Variants in SETD5 observed in about 807,000 individuals in gnomAD.
SETD5 encodes SET domain containing 5.
In SETD5, 44 loss-of-function variants were observed where a neutral mutation model predicts 153.3. The ratio of observed to expected loss-of-function variants is 0.29; its 90% CI spans 0.23 to 0.37. SETD5 has a LOEUF of 0.37. SETD5 is among the 10% of genes least tolerant of loss of function. The pLI is 1.00. For synonymous variants in SETD5, 716 were observed against 645.2 expected (o/e 1.11, Z -1.66); for missense variants, 1,544 against 1,768.0 (o/e 0.87, Z 2.27).
Position 9,476,256 on chromosome 3 carries a change from T to A in SETD5, c.*165T>A. ...AAGACTTGTGGTCACAATTGGCCTC[T>A]GGCCTTGGAGAAAGCTGTAAATCTT... On this transcript the variant is annotated 3_prime_UTR_variant, in exon 23 of 23. Coordinates refer to ENST00000402198, the MANE Select transcript of SETD5 (RefSeq NM_001080517.3). 1.1e-6 allele frequency: 1 copy of A among 948,636 alleles called. No individual in the cohort carries two copies. The highest frequency in any genetic ancestry group is 1.5e-6 in the Non-Finnish European group (1 of 656,828). 58.8% of individuals were successfully genotyped at this position (948,636 alleles called of 1,614,324 possible).
intron 16 of SETD5, 104 bp from the exon 17 acceptor site, chr3:9,453,630 GAATTA>G: frequency 2.0e-6 from 2 of 1,023,396 alleles, no homozygotes; most frequent in Non-Finnish European, 2.8e-6. Context: ...CTGTGTAACT[GAATTA>G]GTGTGTTGAA....
At position 9,475,503 on chromosome 3, in the gene SETD5, T is replaced by C. The variant is rs767596550; in HGVS notation, c.3741T>C (p.Pro1247=). The C allele has an allele frequency of 3.1e-6, 5 of 1,613,318 alleles. No individual in the cohort carries two copies. In the African/African-American group the frequency reaches 6.7e-5, roughly 22 times the overall value. ...TCTAGCTCCTGCAGTGTGATAGTCC[T>C]CGGACAGAATCACAAAGCCTCCTTC... ...YSYQLLQCDS[P]RTESQSLLQQ... Residue 1247 remains proline (P), a synonymous_variant, in exon 23 of 23, where the codon CCT becomes CCC. Transcript: ENST00000402198.
chr3:9,460,054 C>G (rs552420086), intron 17 of SETD5, among the ~76,000 whole-genome samples: 2 of 151,614 alleles, frequency 1.3e-5, no homozygotes, highest in East Asian at 3.9e-4. Context: ...ACCCCCTCCC[C>G]CCCACAAAAA....
Position 9,464,415 on chromosome 3 carries a change from T to C in SETD5, c.2477-10T>C. ...GTTTCAAACTCTCATCCAAGCTTTG[T>C]GTTTCACAGACTTGTTGAGCCCATT... On this transcript the variant is annotated splice_polypyrimidine_tract_variant and intron_variant, in intron 17 of 22. Coordinates refer to ENST00000402198, the MANE Select transcript of SETD5 (RefSeq NM_001080517.3). 1.2e-6 allele frequency: 2 copies of C among 1,602,496 alleles called. No homozygotes were observed. The highest frequency in any genetic ancestry group is 1.7e-6 in the Non-Finnish European group (2 of 1,170,666).
In SETD5 at chr3:9,435,880, G is replaced by A. The variant is rs568483869; in HGVS notation, c.541G>A (p.Ala181Thr). ...KRKKSPEKGR[A>T]APKTKKIKNS... Reference sequence around the variant, plus strand: ...GAAAAAGAGTCCAGAAAAGGGTCGTGCAGCACCAAAGACGAAGAAAATCAA... The same window carrying A: ...GAAAAAGAGTCCAGAAAAGGGTCGTACAGCACCAAAGACGAAGAAAATCAA... The change falls in exon 7 of 23, where the codon GCA becomes ACA. Residue 181 changes from alanine to threonine, a missense_variant. Coordinates refer to ENST00000402198, the MANE Select transcript of SETD5 (RefSeq NM_001080517.3). 3.6e-5 allele frequency: 58 copies of A among 1,592,046 alleles called. 1 individual carries two copies. In the South Asian group the frequency reaches 3.7e-4, roughly 10 times the overall value.
In SETD5 at chr3:9,434,538, C is replaced by T; in HGVS notation, c.329+53C>T. The T allele has an allele frequency of 1.9e-6, 3 of 1,609,024 alleles. No homozygotes were observed. The highest frequency in any genetic ancestry group is 2.5e-6 in the Non-Finnish European group (3 of 1,177,178). On this transcript the variant is annotated intron_variant, in intron 5 of 22. Coordinates refer to ENST00000402198, the MANE Select transcript of SETD5 (RefSeq NM_001080517.3). This position sits in a 1 kb window ranked among gnomAD's most constrained non-coding sequence, Gnocchi z 5.6. Reference sequence around the variant, plus strand: ...GTCTGGGTTGCTGGGATTAGGGTTTCTTACAAGTAGGGAAAAGCTCAAAGT... The same window carrying T: ...GTCTGGGTTGCTGGGATTAGGGTTTTTTACAAGTAGGGAAAAGCTCAAAGT...
At position 9,445,745 on chromosome 3, in the gene SETD5, G is replaced by C; in HGVS notation, c.1524+5G>C. 6.2e-7 allele frequency: 1 copy of C among 1,601,048 alleles called. No individual in the cohort carries two copies. The highest frequency in any genetic ancestry group is 8.5e-7 in the Non-Finnish European group (1 of 1,173,760). On this transcript the variant is annotated splice_donor_5th_base_variant and intron_variant, in intron 13 of 22. Coordinates refer to ENST00000402198, the MANE Select transcript of SETD5 (RefSeq NM_001080517.3). ...AACCTAGCTCATAGCAGGAGGGTGA[G>C]TACTGTCTGACATTACTTTGCTCCT...
At chr3:9,416,021 C>T (rs374643260) in intron 1 of SETD5, among the ~76,000 whole-genome samples, 6 of 152,190 alleles carry the variant, frequency 3.9e-5, no homozygotes, top group Admixed American at 2.0e-4. Flanking sequence ...TATAGGTGTG[C>T]ACCACCATGC....
chr3:9,464,807 C>T, intron 18 of SETD5, 135 bp downstream of exon 18: 1 of 1,431,410 alleles, frequency 7.0e-7, no homozygotes, highest in Non-Finnish European at 9.6e-7. Context: ...TGGGAAACCT[C>T]AGGGTCATTG....
intron 7 of SETD5, among the ~76,000 whole-genome samples, chr3:9,438,803 A>G (rs928309011): frequency 6.6e-6 from 1 of 152,222 alleles, no homozygotes; most frequent in East Asian, 1.9e-4. Flanking sequence ...TCAAGATGTG[A>G]ACAGGATCCC....
At chr3:9,433,249 C>T (rs765604773) in intron 3 of SETD5, 74 of 578,440 alleles carry the variant, frequency 1.3e-4, no homozygotes, top group Non-Finnish European at 1.7e-4. Context: ...CCTTAATATG[C>T]TTGCATGTCA....
In SETD5 at chr3:9,434,966, C is replaced by T. The variant is rs2040381794; in HGVS notation, c.388+84C>T. 1 of 1,492,828 alleles carries T rather than the reference C, an allele frequency of 6.7e-7. No homozygotes were observed. Among genetic ancestry groups the T allele is most frequent in the Admixed American group, 2.0e-5 (1 of 49,814 alleles). 92.5% of individuals were successfully genotyped at this position (1,492,828 alleles called of 1,614,324 possible). The stretch of plus-strand genomic sequence containing the variant: ...GTTCATTTTAAGAACCCCTCTTGGC[C>T]AGGCGCAGTGGCTTACGCCTGTAAT... On this transcript the variant is annotated intron_variant, in intron 6 of 22. Transcript: ENST00000402198. The surrounding 1 kb of genome is among the most constrained non-coding windows in gnomAD (Gnocchi z 5.6).
chr3:9,405,070 AT>A (rs1323093495), intron 1 of SETD5, among the ~76,000 whole-genome samples: 4 of 152,326 alleles, frequency 2.6e-5, no homozygotes, highest in South Asian at 4.1e-4. Context: ...ATGTACTTAA[AT>A]ACAAAGCTAA....
Position 9,448,369 on chromosome 3 carries a change from G to T in SETD5, c.2104-19G>T. On this transcript the variant is annotated intron_variant, in intron 15 of 22. Transcript: ENST00000402198. Reference sequence around the variant, plus strand: ...GCTACCTCTTGATTTATAAACTAATGATCTCTTTTTTACCTTAGTATCTAG... The same window carrying T: ...GCTACCTCTTGATTTATAAACTAATTATCTCTTTTTTACCTTAGTATCTAG... 1 of 1,611,604 alleles carries T rather than the reference G, an allele frequency of 6.2e-7. No individual in the cohort carries two copies. The highest frequency in any genetic ancestry group is 8.5e-7 in the Non-Finnish European group (1 of 1,178,458).
At chr3:9,413,649 G>GGGTGTGTGTGTGTGTGTGT (rs200761097) in intron 1 of SETD5, among the ~76,000 whole-genome samples, 1 of 140,366 alleles carries the variant, frequency 7.1e-6, no homozygotes, top group Non-Finnish European at 1.5e-5. Context: ...GGGGAGGCGG[G>GGGTGTGTGTGTGTGTGTGT]GTGTGTGTGT....
chr3:9,407,355 G>C (rs1159254652), intron 1 of SETD5, among the ~76,000 whole-genome samples: 1 of 152,048 alleles, frequency 6.6e-6, no homozygotes, highest in Non-Finnish European at 1.5e-5. Flanking sequence ...AGAAGTTACT[G>C]TAGATGCCAC....
chr3:9,442,322 T>A, intron 10 of SETD5, 77 bp downstream of exon 10: 2 of 1,038,230 alleles, frequency 1.9e-6, no homozygotes, highest in Non-Finnish European at 2.9e-6. Flanking sequence ...TGTGAAAACT[T>A]CACTCAGATA....
chr3:9,473,392 T>G lies in SETD5; in HGVS notation c.3352T>G (p.Ser1118Ala), dbSNP rs1307379441. ...SDTGAHGVQG[S>A]SARTPSSPHK... is the part of the protein sequence containing the mutation. The stretch of plus-strand genomic sequence containing the variant: ...CACTGGTGCCCATGGTGTGCAGGGA[T>G]CCTCAGCCCGAACTCCATCTTCCCC... The change falls in exon 20 of 23, where the codon TCC (serine) becomes GCC (alanine). Residue 1118 changes from serine to alanine, a missense_variant. Around this residue, in one of 9 missense-constraint regions of SETD5, gnomAD observed 93 missense variants for 93.4 expected, o/e 1.00. Transcript: ENST00000402198. The G allele has an allele frequency of 8.1e-6, 13 of 1,613,810 alleles. No homozygotes were observed. The Admixed American group carries it at 1.0e-4, about 12-fold the overall frequency.
chr3:9,417,470 A>T (rs975076215), intron 1 of SETD5, among the ~76,000 whole-genome samples: 4 of 151,378 alleles, frequency 2.6e-5, no homozygotes, highest in African/African-American at 9.7e-5. Context: ...TTAGTAAATC[A>T]GTATAGATAA....
Sources: allele counts gnomAD v4.1 joint callset (sites outside exome capture counted in the v4.1 genomes callset), GRCh38; gene constraint gnomAD v4.1.1; regional missense constraint gnomAD v4.1.1; non-coding constraint Gnocchi (gnomAD v3.1); transcripts MANE v1.5; gene names NCBI Gene and HGNC (gene_info 2026-07-23, HGNC 2026-07-21).